The following UBE3D variants were observed in gnomAD, a reference collection of about 807,000 sequenced individuals.
The protein encoded by UBE3D is ubiquitin protein ligase E3D, also known as E3 ubiquitin-protein ligase E3D.
In UBE3D, 48 loss-of-function variants were observed where a neutral mutation model predicts 49.6. The observed-to-expected ratio is 0.97, with a 90% CI of 0.77 to 1.23. The LOEUF is 1.23. Among genes scored for constraint, UBE3D ranks in the 50% most tolerant of loss-of-function variants. The pLI, the probability that UBE3D is intolerant of heterozygous loss-of-function variation, is 0.00. For synonymous variants in UBE3D, 189 were observed against 174.2 expected, an observed-to-expected ratio of 1.08 and a Z score of -0.67; for missense variants, 452 against 468.4, an observed-to-expected ratio of 0.96 and a Z score of 0.32.
chr6:82,979,881 A>G (rs1191218671), intron 8 of UBE3D, among the ~76,000 whole-genome samples: 2 of 152,116 alleles, frequency 1.3e-5, no homozygotes, highest in Admixed American at 6.6e-5. Flanking sequence ...CACTCAAGAT[A>G]ACGGCCCCCA....
At chr6:82,995,436 T>C (rs1015542629) in intron 8 of UBE3D, among the ~76,000 whole-genome samples, 1 of 150,250 alleles carries the variant, frequency 6.7e-6, no homozygotes, top group East Asian at 2.0e-4. Flanking sequence ...AAGTAAGTTA[T>C]AGGGTGAAAA....
At chr6:82,965,131 G>A (rs1776818804) in intron 8 of UBE3D, among the ~76,000 whole-genome samples, 1 of 152,164 alleles carries the variant, frequency 6.6e-6, no homozygotes, top group Non-Finnish European at 1.5e-5. Context: ...ACATCAGAAA[G>A]CATTGGGAAA....
At position 82,986,195 on chromosome 6, in the gene UBE3D, G is replaced by A. The variant is rs6907454; in HGVS notation, c.1011-28745C>T. On this transcript the variant is annotated intron_variant, in intron 8 of 9. Transcript: ENST00000369747. ...TGCTTAAGAATACTTCTGTAATGGC[G>A]GGCGTGGTGGCTCATGCCTGTAATC... Among the ~76,000 whole-genome samples the A allele has an allele frequency of 2.1e-3, 318 of 151,954 alleles. 2 individuals are homozygous for A. Among genetic ancestry groups the A allele is most frequent in the African/African-American group, 7.3e-3 (302 of 41,488 alleles).
intron 9 of UBE3D, among the ~76,000 whole-genome samples, chr6:82,914,974 G>A (rs1330151874): frequency 6.6e-6 from 1 of 152,156 alleles, no homozygotes; most frequent in Non-Finnish European, 1.5e-5. Flanking sequence ...TCTGGGTGTT[G>A]CTATAGTTGT....
intron 8 of UBE3D, among the ~76,000 whole-genome samples, chr6:82,974,329 A>G (rs942389227): frequency 1.3e-5 from 2 of 152,040 alleles, no homozygotes; most frequent in African/African-American, 2.4e-5. Context: ...AGTGATCCCT[A>G]CGTATCCATA....
chr6:82,976,843 A>G (rs984403009), intron 8 of UBE3D, among the ~76,000 whole-genome samples: 2 of 152,116 alleles, frequency 1.3e-5, no homozygotes, highest in African/African-American at 4.8e-5. Context: ...GGCCGGGCAC[A>G]GTGGCTCACG....
chr6:83,045,715 T>C (rs115146556), intron 3 of UBE3D, among the ~76,000 whole-genome samples: 25 of 152,184 alleles, frequency 1.6e-4, no homozygotes, highest in Admixed American at 1.0e-3. Context: ...AGTTCCCATA[T>C]ACACTTCACC....
chr6:83,019,937 C>T (rs1780970135), intron 7 of UBE3D, among the ~76,000 whole-genome samples: 1 of 152,152 alleles, frequency 6.6e-6, no homozygotes, highest in Non-Finnish European at 1.5e-5. Context: ...CAAGGCAACA[C>T]CTGTCATCTA....
intron 1 of UBE3D, chr6:83,063,079 C>G: frequency 5.0e-6 from 1 of 198,330 alleles, no homozygotes; most frequent in Non-Finnish European, 1.1e-5. Context: ...ATAGAGTGGA[C>G]TTCATTAAAA....
intron 8 of UBE3D, among the ~76,000 whole-genome samples, chr6:83,013,530 A>G (rs1780491633): frequency 6.6e-6 from 1 of 152,036 alleles, no homozygotes. Flanking sequence ...TCCACCCAAA[A>G]CTGACAGCCT....
intron 5 of UBE3D, chr6:83,036,720 T>C (rs1207790389): frequency 6.6e-6 from 1 of 151,648 alleles, no homozygotes; most frequent in East Asian, 1.9e-4. Flanking sequence ...ATATAAGCTC[T>C]CTCTTTTTTT....
chr6:83,034,657 G>A (rs1291534189), intron 5 of UBE3D, among the ~76,000 whole-genome samples: 2 of 151,906 alleles, frequency 1.3e-5, no homozygotes, highest in Non-Finnish European at 2.9e-5. Context: ...GCAATTCCCT[G>A]CTCTCTCTCT....
At chr6:83,020,426 G>C (rs1275261232) in intron 7 of UBE3D, among the ~76,000 whole-genome samples, 1 of 149,634 alleles carries the variant, frequency 6.7e-6, no homozygotes, top group Admixed American at 6.7e-5. Context: ...AAATAATGAA[G>C]TACACATATC....
intron 9 of UBE3D, among the ~76,000 whole-genome samples, chr6:82,896,430 C>A (rs1771322436): frequency 1.6e-5 from 1 of 61,928 alleles, no homozygotes; most frequent in Non-Finnish European, 2.5e-5. Context: ...CAAAAGACAA[C>A]CTTTCCTCTC....
chr6:83,003,300 A>AT (rs1316878565), intron 8 of UBE3D, among the ~76,000 whole-genome samples: 5 of 152,086 alleles, frequency 3.3e-5, no homozygotes, highest in Non-Finnish European at 5.9e-5. Context: ...CTTGTCTCAT[A>AT]TTTTTTCATC....
intron 9 of UBE3D, among the ~76,000 whole-genome samples, chr6:82,926,250 T>C (rs1019630257): frequency 2.0e-5 from 3 of 152,176 alleles, no homozygotes; most frequent in Non-Finnish European, 4.4e-5. Context: ...TTTTTTCACC[T>C]AGTAATATGC....
chr6:83,022,013 T>C (rs1051395579), intron 7 of UBE3D, among the ~76,000 whole-genome samples: 1 of 152,162 alleles, frequency 6.6e-6, no homozygotes, highest in African/African-American at 2.4e-5. Flanking sequence ...GTTTGATTTA[T>C]GAATTAAACT....
chr6:83,012,617 G>A (rs2127760981), intron 8 of UBE3D, among the ~76,000 whole-genome samples: 1 of 152,272 alleles, frequency 6.6e-6, no homozygotes, highest in Middle Eastern at 3.4e-3. Context: ...GCTCTCACAT[G>A]GGATACAAAT....
At chr6:82,910,139 G>C (rs942305186) in intron 9 of UBE3D, among the ~76,000 whole-genome samples, 1 of 152,172 alleles carries the variant, frequency 6.6e-6, no homozygotes, top group African/African-American at 2.4e-5. Context: ...CACACACACA[G>C]ACACTGAGTA....
Sources: gnomAD v4.1 joint callset for allele counts (sites outside exome capture counted in the v4.1 genomes callset) on GRCh38, gnomAD v4.1.1 for gene constraint, MANE v1.5 for transcripts, NCBI Gene and HGNC (gene_info 2026-07-23, HGNC 2026-07-21) for gene names.